ZNF664: variants seen among roughly 807,000 people sequenced by gnomAD.
ZNF664 encodes zinc finger protein 664, also known as zinc finger Organ of Corti 1.
A neutral mutation model predicts 18.2 loss-of-function variants in ZNF664; 10 were observed. The observed-to-expected ratio is 0.55, with a 90% CI of 0.34 to 0.93. The LOEUF is 0.93. Ranked by LOEUF, ZNF664 falls within the 40% of genes least tolerant of loss-of-function variation. The pLI, the probability that ZNF664 is intolerant of heterozygous loss-of-function variation, is 0.02. For missense variants in ZNF664, 193 were observed against 319.0 expected (o/e 0.61, Z 3.01); for synonymous variants, 119 against 104.2 (o/e 1.14, Z -0.86).
intron 3 of ZNF664, among the ~76,000 whole-genome samples, chr12:124,007,896 G>A (rs1433465419): frequency 2.0e-5 from 3 of 151,916 alleles, no homozygotes; most frequent in African/African-American, 4.8e-5. Context: ...GACATGTCCC[G>A]TCATTCCTGT....
rs763006997 is a variant in ZNF664, at chr12:124,012,967, A to G, written c.*37A>G. 1.1e-5 allele frequency: 18 copies of G among 1,593,708 alleles called. No individual in the cohort carries two copies. In the Admixed American group the frequency reaches 2.1e-4, roughly 19 times the overall value. On this transcript the variant is annotated 3_prime_UTR_variant, in exon 5 of 5. Transcript: ENST00000337815. ...AAGAGTTTAAAATCTTAAAACCCAT[A>G]AGTGCCACTAGGAAGGAAACCCTGT...
Position 124,014,556 on chromosome 12 carries a change from T to A in ZNF664, c.*1626T>A, listed in dbSNP as rs1281142204. 1 of 167,100 alleles carries A rather than the reference T, an allele frequency of 6.0e-6. No homozygotes were observed. Among genetic ancestry groups the A allele is most frequent in the Non-Finnish European group, 1.5e-5 (1 of 68,134 alleles). 10.4% of individuals were successfully genotyped at this position (167,100 alleles called of 1,614,324 possible). On this transcript the variant is annotated 3_prime_UTR_variant, in exon 5 of 5. Coordinates refer to ENST00000337815, the MANE Select transcript of ZNF664 (RefSeq NM_152437.3). ...TTCCTGTTTTCATTGATTTCCCACA[T>A]GTAGTCCTTTTGCTCAGGAAGTCTT...
intron 3 of ZNF664, among the ~76,000 whole-genome samples, chr12:124,005,399 CA>C (rs1313639884): frequency 6.6e-6 from 1 of 151,596 alleles, no homozygotes; most frequent in African/African-American, 2.4e-5. Flanking sequence ...TTTTTGAAAA[CA>C]ATGTAAATAT....
At chr12:124,002,327 G>A (rs1004959944) in intron 3 of ZNF664, among the ~76,000 whole-genome samples, 2 of 152,204 alleles carry the variant, frequency 1.3e-5, no homozygotes, top group African/African-American at 2.4e-5. Context: ...GGAAGGAGGC[G>A]GTGGCTGGGC....
chr12:124,003,804 G>C (rs763668712), intron 3 of ZNF664, among the ~76,000 whole-genome samples: 9 of 152,192 alleles, frequency 5.9e-5, no homozygotes, highest in Middle Eastern at 3.2e-3. Context: ...TGATGAAGTA[G>C]CAATTTAAAG....
chr12:124,012,501 G>A lies in ZNF664; in HGVS notation c.357G>A (p.Glu119=), dbSNP rs200343451. The A allele has an allele frequency of 1.9e-6, 3 of 1,614,210 alleles. No individual in the cohort carries two copies. Among genetic ancestry groups the A allele is most frequent in the Admixed American group, 3.3e-5 (2 of 60,030 alleles). ...GTGAGAAACCGTATGTCTGTAGTGA[G>A]TGTGGAAGGGGCTTTAGTAATAGTT... ...HTGEKPYVCS[E]CGRGFSNSSN... is the part of the protein sequence containing the mutation. Residue 119 remains glutamate (E), a synonymous_variant, in exon 5 of 5, where the codon GAG becomes GAA. Coordinates refer to ENST00000337815, the MANE Select transcript of ZNF664 (RefSeq NM_152437.3).
intron 3 of ZNF664, among the ~76,000 whole-genome samples, chr12:123,991,654 A>G (rs912083565): frequency 1.3e-5 from 2 of 152,226 alleles, no homozygotes; most frequent in South Asian, 2.1e-4. Flanking sequence ...TATTATCCAT[A>G]CATTTGCAGC....
chr12:123,974,705 A>G (rs903343645), intron 2 of ZNF664, among the ~76,000 whole-genome samples: 1 of 152,210 alleles, frequency 6.6e-6, no homozygotes, highest in African/African-American at 2.4e-5. Flanking sequence ...ACGTGTGTGC[A>G]CTTAACATCA....
At chr12:123,975,269 A>G (rs924748906) in intron 2 of ZNF664, among the ~76,000 whole-genome samples, 3 of 152,198 alleles carry the variant, frequency 2.0e-5, no homozygotes, top group African/African-American at 7.2e-5. Context: ...TGTGTGTATC[A>G]TATCACAGAG....
rs150362388 is a variant in ZNF664 at position 124,012,566 on chromosome 12, A to G, written c.422A>G (p.Lys141Arg). The part of the protein sequence containing the change: ...CMHQRVHTGE[K>R]PFKCEECGKA... Reference sequence around the variant, plus strand: ...CATCAGAGAGTCCACACCGGAGAGAAGCCCTTTAAATGTGAAGAGTGTGGG... The same window carrying G: ...CATCAGAGAGTCCACACCGGAGAGAGGCCCTTTAAATGTGAAGAGTGTGGG... The change falls in exon 5 of 5, where the codon AAG (lysine) becomes AGG (arginine). Residue 141 changes from lysine to arginine, a missense_variant. By Grantham distance (26) the Lys-to-Arg change is conservative. Coordinates refer to ENST00000337815, the MANE Select transcript of ZNF664 (RefSeq NM_152437.3). The G allele has an allele frequency of 8.6e-3, 13,860 of 1,613,504 alleles. No homozygotes were observed. Among genetic ancestry groups the G allele is most frequent in the South Asian group, 0.04 (3,628 of 90,990 alleles).
chr12:124,000,105 C>T (rs1956993897), intron 3 of ZNF664, among the ~76,000 whole-genome samples: 1 of 152,244 alleles, frequency 6.6e-6, no homozygotes, highest in African/African-American at 2.4e-5. Flanking sequence ...ACTTAGCTAT[C>T]TGCCTTCCCC....
intron 1 of ZNF664, 192 bp downstream of exon 1, chr12:123,973,544 C>T (rs1956626254): frequency 5.4e-6 from 2 of 368,312 alleles, no homozygotes; most frequent in Non-Finnish European, 7.5e-6. Flanking sequence ...TGGCGGGTCC[C>T]GGGCTGAGAA....
chr12:123,982,258 G>A (rs1249537290), intron 2 of ZNF664, among the ~76,000 whole-genome samples: 1 of 152,222 alleles, frequency 6.6e-6, no homozygotes, highest in Non-Finnish European at 1.5e-5. Flanking sequence ...GTGGAGAAAA[G>A]GTAGCGGAGA....
intron 2 of ZNF664, chr12:123,974,498 G>A (rs1184663363): frequency 1.3e-5 from 2 of 152,946 alleles, no homozygotes; most frequent in Non-Finnish European, 2.9e-5. Context: ...TTTAGAGCAG[G>A]AAATTGACCT....
chr12:123,974,173 A>G (rs1296422961), intron 2 of ZNF664, 153 bp downstream of exon 2: 1 of 474,202 alleles, frequency 2.1e-6, no homozygotes, highest in Non-Finnish European at 3.4e-6. Context: ...GTCCGGATCC[A>G]TCTCTCCGCC....
intron 3 of ZNF664, among the ~76,000 whole-genome samples, chr12:123,993,239 A>G (rs1041010584): frequency 1.3e-5 from 2 of 152,204 alleles, no homozygotes; most frequent in African/African-American, 2.4e-5. Context: ...CCAAGGGCAC[A>G]TGCAGGCACT....
At position 123,973,950 on chromosome 12, in the gene ZNF664, C is replaced by G. The variant is rs1956641180; in HGVS notation, c.-827C>G. ...AGGTGATGAGGAACCCCTCGCGCAC[C>G]CAGCGCAGAAGGCTGCTGCCGCCGG... On this transcript the variant is annotated 5_prime_UTR_variant, in exon 2 of 5. Coordinates refer to ENST00000337815, the MANE Select transcript of ZNF664 (RefSeq NM_152437.3). The G allele has an allele frequency of 2.4e-6, 3 of 1,231,934 alleles. No homozygotes were observed. Among genetic ancestry groups the G allele is most frequent in the African/African-American group, 1.5e-5 (1 of 64,554 alleles). The allele number at this position is 1,231,934 out of a possible 1,614,324, so 76.3% of individuals were successfully genotyped here.
At chr12:123,976,033 G>C (rs1234095111) in intron 2 of ZNF664, among the ~76,000 whole-genome samples, 2 of 152,172 alleles carry the variant, frequency 1.3e-5, no homozygotes, top group Admixed American at 1.3e-4. Context: ...GATACGATTA[G>C]GGGCTTTTTA....
At chr12:124,002,820 G>A (rs1940805926) in intron 3 of ZNF664, among the ~76,000 whole-genome samples, 1 of 151,924 alleles carries the variant, frequency 6.6e-6, no homozygotes, top group South Asian at 2.1e-4. Flanking sequence ...ATAAAAATGG[G>A]AGCCAACATC....
Sources: allele counts gnomAD v4.1 joint callset (sites outside exome capture counted in the v4.1 genomes callset), GRCh38; gene constraint gnomAD v4.1.1; transcripts MANE v1.5; gene names NCBI Gene and HGNC (gene_info 2026-07-23, HGNC 2026-07-21).